Variants in ROBO2 observed in about 807,000 individuals in gnomAD.
ROBO2 encodes roundabout homolog 2.
Under a neutral mutation model 160.8 loss-of-function variants are expected in ROBO2, and 53 were observed. The ratio of observed to expected loss-of-function variants is 0.33; its 90% CI spans 0.26 to 0.41. ROBO2 has a LOEUF of 0.41. Ranked by LOEUF, ROBO2 falls within the 10% of genes least tolerant of loss-of-function variation. The probability of loss-of-function intolerance (pLI) is 1.00; values close to 1 mark genes in which losing one functional copy is unlikely to be tolerated. For synonymous variants in ROBO2, 664 were observed against 611.7 expected, an observed-to-expected ratio of 1.09 and a Z score of -1.26; for missense variants, 1,577 against 1,722.4, an observed-to-expected ratio of 0.92 and a Z score of 1.49.
At chr3:76,903,707 A>G (rs12107925) in intron 2 of ROBO2, among the ~76,000 whole-genome samples, 60 of 152,280 alleles carry the variant, frequency 3.9e-4, no homozygotes, top group African/African-American at 1.4e-3. Flanking sequence ...AACCAGGGAA[A>G]TCAAATCATT....
intron 2 of ROBO2, among the ~76,000 whole-genome samples, chr3:76,026,624 G>T (rs1362953210): frequency 2.6e-5 from 4 of 151,964 alleles, no homozygotes; most frequent in African/African-American, 7.2e-5. Context: ...GAATGTGTTG[G>T]AGATAAAGTA....
At chr3:77,140,312 C>T (rs2076605698) in intron 2 of ROBO2, among the ~76,000 whole-genome samples, 1 of 152,184 alleles carries the variant, frequency 6.6e-6, no homozygotes, top group East Asian at 1.9e-4. Flanking sequence ...TAACTAGATT[C>T]TGGGTGAACT....
At chr3:77,132,383 T>TG (rs973619959) in intron 2 of ROBO2, among the ~76,000 whole-genome samples, 14 of 129,028 alleles carry the variant, frequency 1.1e-4, no homozygotes, top group East Asian at 2.0e-4. Context: ...CTGATTAATA[T>TG]GGGTTTTTTT....
chr3:76,471,792 T>TA (rs1464505819), intron 2 of ROBO2, among the ~76,000 whole-genome samples: 3 of 151,986 alleles, frequency 2.0e-5, no homozygotes, highest in Non-Finnish European at 4.4e-5. Flanking sequence ...TCAGGAAACT[T>TA]ACAATCATGG....
At chr3:77,075,584 A>G (rs2067886592) in intron 1 of ROBO2, among the ~76,000 whole-genome samples, 1 of 151,384 alleles carries the variant, frequency 6.6e-6, no homozygotes, top group South Asian at 2.1e-4. Context: ...ACTTTTTTGC[A>G]TTTAAATGTT....
intron 2 of ROBO2, among the ~76,000 whole-genome samples, chr3:76,058,662 A>G (rs1211717435): frequency 1.4e-5 from 1 of 72,486 alleles, no homozygotes; most frequent in South Asian, 4.7e-4. Context: ...TTTAATTATT[A>G]TTATACTTAA....
At chr3:77,473,348 G>A (rs1422665306) in intron 2 of ROBO2, among the ~76,000 whole-genome samples, 1 of 151,048 alleles carries the variant, frequency 6.6e-6, no homozygotes, top group Non-Finnish European at 1.5e-5. Flanking sequence ...TTGGCTTCCA[G>A]GTATCCCTTT....
At chr3:77,151,931 TC>T (rs2150531292) in intron 2 of ROBO2, among the ~76,000 whole-genome samples, 1 of 152,324 alleles carries the variant, frequency 6.6e-6, no homozygotes, top group African/African-American at 2.4e-5. Context: ...TAGATTTTTT[TC>T]AGTCCAATGC....
At chr3:76,221,360 C>T (rs997574037) in intron 2 of ROBO2, among the ~76,000 whole-genome samples, 1 of 148,804 alleles carries the variant, frequency 6.7e-6, no homozygotes, top group East Asian at 2.0e-4. Context: ...GTGAGTAGTG[C>T]CACTCTCATT....
chr3:77,396,434 G>A (rs1309753995), intron 2 of ROBO2, among the ~76,000 whole-genome samples: 2 of 152,040 alleles, frequency 1.3e-5, no homozygotes, highest in South Asian at 2.1e-4. Context: ...GAGTGAATAC[G>A]TGAAACACTG....
chr3:76,631,843 C>T (rs2090052460), intron 2 of ROBO2, among the ~76,000 whole-genome samples: 1 of 152,074 alleles, frequency 6.6e-6, no homozygotes, highest in South Asian at 2.1e-4. Context: ...CGGATGTGTA[C>T]AGATGATGAG....
rs1203202796 is a variant in ROBO2 at position 76,466,000 on chromosome 3, T to G, written c.109+528398T>G. Among the ~76,000 whole-genome samples, 7 of 69,588 alleles carry G rather than the reference T, an allele frequency of 1.0e-4. No individual in the cohort carries two copies. The South Asian group carries it at 1.4e-3, about 14-fold the overall frequency. 45.7% of individuals were successfully genotyped at this position (69,588 alleles called of 152,430 possible). On this transcript the variant is annotated intron_variant, in intron 2 of 26. Coordinates refer to the ROBO2 transcript ENST00000487694. ...TAAAATATCCTGGATAAAATATGGG[T>G]GTGTGTGTGTGTGTGTGTGTGTGTG...
intron 2 of ROBO2, among the ~76,000 whole-genome samples, chr3:77,119,248 T>G (rs1053289388): frequency 2.6e-5 from 4 of 152,198 alleles, no homozygotes; most frequent in Non-Finnish European, 4.4e-5. Context: ...TTACCCAGTC[T>G]CAGGTAGTTC....
chr3:76,857,861 T>A (rs907625410), intron 2 of ROBO2, among the ~76,000 whole-genome samples: 1 of 152,198 alleles, frequency 6.6e-6, no homozygotes, highest in Non-Finnish European at 1.5e-5. Flanking sequence ...GCTACCTCTT[T>A]AGCTTTATAG....
chr3:76,663,838 A>G (rs2091919150), intron 2 of ROBO2, among the ~76,000 whole-genome samples: 1 of 151,950 alleles, frequency 6.6e-6, no homozygotes, highest in African/African-American at 2.4e-5. Context: ...CGGGAGGCGG[A>G]GGTTGCAGTG....
chr3:76,773,218 G>T (rs2108519565), intron 2 of ROBO2, among the ~76,000 whole-genome samples: 1 of 150,826 alleles, frequency 6.6e-6, no homozygotes, highest in South Asian at 2.1e-4. Context: ...TTCTTTTGTT[G>T]TAAGGTGACT....
At chr3:77,429,372 G>C (rs950827650) in intron 2 of ROBO2, among the ~76,000 whole-genome samples, 1 of 151,932 alleles carries the variant, frequency 6.6e-6, no homozygotes, top group African/African-American at 2.4e-5. Context: ...GTACCCAACT[G>C]GTCAGAAAAC....
chr3:75,945,366 G>A (rs550827508), intron 2 of ROBO2, among the ~76,000 whole-genome samples: 1 of 152,198 alleles, frequency 6.6e-6, no homozygotes, highest in East Asian at 1.9e-4. Context: ...GCTGAGTCTG[G>A]AGCAAAGCAC....
At chr3:77,047,332 C>T (rs538773017) in intron 1 of ROBO2, among the ~76,000 whole-genome samples, 25 of 152,190 alleles carry the variant, frequency 1.6e-4, no homozygotes, top group African/African-American at 5.3e-4. Flanking sequence ...GTAAAATGGG[C>T]ATGGTAATAA....
Sources: allele counts gnomAD v4.1 joint callset (sites outside exome capture counted in the v4.1 genomes callset), GRCh38; gene constraint gnomAD v4.1.1; transcripts MANE v1.5; gene names NCBI Gene and HGNC (gene_info 2026-07-23, HGNC 2026-07-21).